DIAPH2: variants seen among roughly 807,000 people sequenced by gnomAD.
DIAPH2 encodes the protein protein diaphanous homolog 2.
A neutral mutation model predicts 92.7 loss-of-function variants in DIAPH2; 35 were observed. The ratio of observed to expected loss-of-function variants is 0.38; its 90% confidence interval spans 0.29 to 0.50. The LOEUF (loss-of-function observed/expected upper bound fraction) is 0.50, where lower values mean the gene tolerates loss of function less well. Among genes scored for constraint, DIAPH2 ranks in the 20% least tolerant of loss-of-function variants. The probability of loss-of-function intolerance (pLI) is 0.94; values close to 1 mark genes in which losing one functional copy is unlikely to be tolerated. For missense variants in DIAPH2, 701 were observed against 819.5 expected (o/e 0.86, Z 1.77); for synonymous variants, 301 against 280.4 (o/e 1.07, Z -0.73).
At chrX:97,163,012 G>A (rs1036602938) in intron 22 of DIAPH2, among the ~76,000 whole-genome samples, 12 of 110,742 alleles carry the variant, frequency 1.1e-4, no homozygotes, top group Admixed American at 9.7e-5. Flanking sequence ...CATCTGATTC[G>A]CAATTTCTTC....
chrX:97,453,136 A>G (rs2070372861), intron 26 of DIAPH2, among the ~76,000 whole-genome samples: 1 of 111,362 alleles, frequency 9.0e-6, no homozygotes, highest in Non-Finnish European at 1.9e-5. Context: ...ATTATACTGT[A>G]TACAAAGTTG....
At chrX:97,345,945 T>A (rs1362935069) in intron 23 of DIAPH2, among the ~76,000 whole-genome samples, 1 of 111,665 alleles carries the variant, frequency 9.0e-6, no homozygotes, top group Non-Finnish European at 1.9e-5. Flanking sequence ...GCCATTTATA[T>A]CTTCTATAAT....
At chrX:96,891,034 G>C (rs1292207351) in intron 5 of DIAPH2, among the ~76,000 whole-genome samples, 1 of 111,418 alleles carries the variant, frequency 9.0e-6, no homozygotes, top group East Asian at 2.8e-4. Flanking sequence ...TCTCGTGGTG[G>C]CTGGTACTGT....
At chrX:97,390,294 G>A (rs747380330) in intron 25 of DIAPH2, among the ~76,000 whole-genome samples, 2 of 84,401 alleles carry the variant, frequency 2.4e-5, no homozygotes, top group Admixed American at 1.8e-4. Context: ...GTCTTGTCTC[G>A]CTACAGTCTC....
Position 97,305,838 on chromosome X carries a change from A to AGAAAG in DIAPH2, c.2845-42278_2845-42277insGAAAG, listed in dbSNP as rs765610432. 4.3e-3 allele frequency among the ~76,000 whole-genome samples: 468 copies of AGAAAG among 107,851 alleles called. 5 individuals are homozygous for AGAAAG. The highest frequency in any genetic ancestry group is 0.015 in the African/African-American group (453 of 29,378). The allele number at this position is 107,851 out of a possible 115,157, so 93.7% of individuals were successfully genotyped here. On this transcript the variant is annotated intron_variant, in intron 23 of 26. Transcript: ENST00000324765. ...GACTCCTTCTCCAAAAAAAAAAAAA[A>AGAAAG]AAAGAAAGAAAGAAAGAATGGGAAA...
chrX:97,348,372 A>G, intron 24 of DIAPH2, 92 bp downstream of exon 24: 3 of 794,633 alleles, frequency 3.8e-6, no homozygotes, highest in Non-Finnish European at 5.3e-6. Flanking sequence ...TATTGACTAT[A>G]TTGATTTCAT....
At chrX:96,867,346 G>C (rs1406537588) in intron 4 of DIAPH2, among the ~76,000 whole-genome samples, 2 of 110,917 alleles carry the variant, frequency 1.8e-5, no homozygotes, top group Non-Finnish European at 3.8e-5. Context: ...AGCCTCCCAA[G>C]TAGCTGGGTT....
intron 26 of DIAPH2, among the ~76,000 whole-genome samples, chrX:97,541,733 A>C (rs2071141851): frequency 8.9e-6 from 1 of 111,968 alleles, no homozygotes; most frequent in South Asian, 3.7e-4. Context: ...GGGTGAGCCT[A>C]CACCTGTTCA....
intron 11 of DIAPH2, among the ~76,000 whole-genome samples, chrX:96,938,325 C>T (rs937197152): frequency 9.0e-6 from 1 of 111,559 alleles, no homozygotes; most frequent in African/African-American, 3.3e-5. Context: ...AATTTTTATT[C>T]ATCATTAGTG....
chrX:96,885,014 T>A (rs1276140117), intron 5 of DIAPH2: 1 of 1,211,101 alleles, frequency 8.3e-7, no homozygotes, highest in African/African-American at 1.7e-5. Context: ...GTCAAGGCCA[T>A]CAAGGAAGCG....
At chrX:97,266,433 A>ATTATCT (rs1226576389) in intron 23 of DIAPH2, among the ~76,000 whole-genome samples, 4 of 111,993 alleles carry the variant, frequency 3.6e-5, no homozygotes, top group Non-Finnish European at 7.5e-5. Context: ...TTTGGACAGT[A>ATTATCT]TTATCTTTAC....
chrX:96,893,777 G>A (rs776151214), intron 5 of DIAPH2, among the ~76,000 whole-genome samples: 1 of 112,117 alleles, frequency 8.9e-6, no homozygotes, highest in Non-Finnish European at 1.9e-5. Flanking sequence ...TTGGATAGCT[G>A]ACAACTCACA....
At chrX:97,098,582 G>A (rs772508903) in intron 19 of DIAPH2, among the ~76,000 whole-genome samples, 7 of 112,213 alleles carry the variant, frequency 6.2e-5, no homozygotes, top group Non-Finnish European at 1.1e-4. Context: ...GTGCCACCAC[G>A]CCCGGCTAAT....
At chrX:97,168,888 C>T (rs2067431751) in intron 22 of DIAPH2, among the ~76,000 whole-genome samples, 1 of 111,941 alleles carries the variant, frequency 8.9e-6, no homozygotes, top group Admixed American at 9.5e-5. Flanking sequence ...TTATAAAAGG[C>T]TTGCATCAGG....
intron 21 of DIAPH2, among the ~76,000 whole-genome samples, chrX:97,138,611 T>A (rs1316649297): frequency 8.9e-6 from 1 of 112,107 alleles, no homozygotes; most frequent in African/African-American, 3.2e-5. Context: ...CTTGTCTTAT[T>A]TTCATTATCA....
chrX:96,918,709 A>G, intron 9 of DIAPH2, 92 bp downstream of exon 9: 3 of 622,536 alleles, frequency 4.8e-6, no homozygotes, highest in East Asian at 4.0e-5. Flanking sequence ...GCATTTAAGT[A>G]GTATGGAATG....
At chrX:96,785,886 A>G (rs1280634061) in intron 4 of DIAPH2, among the ~76,000 whole-genome samples, 2 of 111,394 alleles carry the variant, frequency 1.8e-5, no homozygotes, top group Admixed American at 9.6e-5. Flanking sequence ...ATGGCAACCA[A>G]ATTTCAACAT....
At chrX:96,908,962 T>C (rs781455594) in intron 5 of DIAPH2, among the ~76,000 whole-genome samples, 6 of 111,722 alleles carry the variant, frequency 5.4e-5, no homozygotes, top group Non-Finnish European at 1.1e-4. Flanking sequence ...TGGGAGGGCA[T>C]GTAAAGCAGC....
intron 23 of DIAPH2, among the ~76,000 whole-genome samples, chrX:97,316,513 G>A (rs988690667): frequency 2.8e-5 from 3 of 107,960 alleles, no homozygotes; most frequent in African/African-American, 6.8e-5. Flanking sequence ...AAAACTAGCC[G>A]GGCCTGGTGG....
Sources: gnomAD v4.1 joint callset for allele counts (sites outside exome capture counted in the v4.1 genomes callset) on GRCh38, gnomAD v4.1.1 for gene constraint, MANE v1.5 for transcripts, NCBI Gene and HGNC (gene_info 2026-07-23, HGNC 2026-07-21) for gene names.